Variants in ANK2 observed in about 807,000 individuals in gnomAD.
The protein encoded by ANK2 is ankyrin 2.
A neutral mutation model predicts 360.5 loss-of-function variants in ANK2; 83 were observed. The observed-to-expected ratio is 0.23, with a 90% CI of 0.19 to 0.28. The LOEUF is 0.28. Ranked by LOEUF, ANK2 falls within the 10% of genes least tolerant of loss-of-function variation. ANK2 has a pLI of 1.00. For missense variants in ANK2, 4,201 were observed against 4,795.7 expected, an observed-to-expected ratio of 0.88 and a Z score of 3.66; for synonymous variants, 1,740 against 1,759.5, an observed-to-expected ratio of 0.99 and a Z score of 0.28.
chr4:113,157,826 T>G (rs1335281706), intron 1 of ANK2, among the ~76,000 whole-genome samples: 3 of 152,222 alleles, frequency 2.0e-5, no homozygotes, highest in South Asian at 2.1e-4. Flanking sequence ...ATTTCGGGTC[T>G]GCCACTTCTT....
At chr4:112,818,554 G>C (rs10026837) in intron 1 of ANK2, among the ~76,000 whole-genome samples, 95,386 of 152,064 alleles carry the variant, frequency 0.63, 31,811 homozygotes, top group East Asian at 0.93. Context: ...TGATTTATTT[G>C]AGATTCCCAG....
the ANK2 span, among the ~76,000 whole-genome samples, chr4:112,728,729 A>G: frequency 6.6e-6 from 1 of 152,130 alleles, no homozygotes; most frequent in African/African-American, 2.4e-5. Context: ...ACAGAGCAAA[A>G]GTGTCTCCAA....
chr4:113,323,726 C>T (rs2087856838), intron 26 of ANK2: 1 of 1,591,168 alleles, frequency 6.3e-7, no homozygotes, highest in South Asian at 1.1e-5. Flanking sequence ...TTATCCGTTC[C>T]TTCTCTGTGC....
intron 2 of ANK2, among the ~76,000 whole-genome samples, chr4:113,011,275 G>A (rs981522096): frequency 2.0e-5 from 3 of 152,006 alleles, no homozygotes; most frequent in Admixed American, 6.6e-5. Flanking sequence ...ACATATATTT[G>A]TGGACATTAG....
At chr4:112,786,146 T>A in the ANK2 span, among the ~76,000 whole-genome samples, 2 of 151,960 alleles carry the variant, frequency 1.3e-5, no homozygotes, top group Non-Finnish European at 2.9e-5. Flanking sequence ...ACAGCCTATT[T>A]TGAGATATCC....
intron 2 of ANK2, among the ~76,000 whole-genome samples, chr4:112,983,539 G>T (rs1011907107): frequency 3.3e-5 from 5 of 151,956 alleles, no homozygotes; most frequent in Admixed American, 1.3e-4. Context: ...AAATTAGCTG[G>T]GTGTGGTGGC....
intron 35 of ANK2, 49 bp from the exon 36 acceptor site, chr4:113,348,227 T>C (rs763563009): frequency 2.5e-6 from 4 of 1,590,540 alleles, no homozygotes; most frequent in South Asian, 1.1e-5. Flanking sequence ...TACTCTCTAC[T>C]CTTCCTTCTC....
Position 113,358,372 on chromosome 4 carries a change from G to A in ANK2, c.9754G>A (p.Val3252Ile), listed in dbSNP as rs1224563095. The change falls in exon 38 of 46, where the codon GTA becomes ATA. Residue 3252 changes from valine to isoleucine, a missense_variant. Physicochemically the swap from Val to Ile is conservative, Grantham distance 29. Transcript: ENST00000357077. ...CTGCCCCGACTCTTCTGAACCAGCTGTACAAGTCCAGTTAGATTTTTCCAC... is the reference window on the plus strand; with the variant it reads ...CTGCCCCGACTCTTCTGAACCAGCTATACAAGTCCAGTTAGATTTTTCCAC... ...ISCPDSSEPAVQVQLDFSTLT... is the reference protein window; with the variant it reads ...ISCPDSSEPAIQVQLDFSTLT... 3 of 1,613,952 alleles carry A rather than the reference G, an allele frequency of 1.9e-6. No individual in the cohort carries two copies. The highest frequency in any genetic ancestry group is 2.5e-6 in the Non-Finnish European group (3 of 1,179,976).
intron 2 of ANK2, among the ~76,000 whole-genome samples, chr4:112,950,440 C>G (rs933039759): frequency 6.6e-6 from 1 of 151,198 alleles, no homozygotes; most frequent in East Asian, 2.0e-4. Context: ...GTCAGGAGAT[C>G]GAGACCATCC....
At chr4:113,284,011 A>C (rs2063417709) in intron 18 of ANK2, among the ~76,000 whole-genome samples, 2 of 152,212 alleles carry the variant, frequency 1.3e-5, no homozygotes, top group Admixed American at 6.5e-5. Context: ...TGTCACTCAG[A>C]AGTGTTCCTG....
intron 4 of ANK2, among the ~76,000 whole-genome samples, chr4:113,221,559 T>C (rs2099151963): frequency 6.6e-6 from 1 of 151,584 alleles, no homozygotes; most frequent in Non-Finnish European, 1.5e-5. Flanking sequence ...CTCAAGAGGC[T>C]GAGGCAGGAG....
At chr4:112,820,934 C>T (rs559653178) in intron 1 of ANK2, among the ~76,000 whole-genome samples, 4 of 151,752 alleles carry the variant, frequency 2.6e-5, no homozygotes, top group Non-Finnish European at 2.9e-5. Flanking sequence ...TTTTTGAGAC[C>T]GAGTTTCACT....
intron 4 of ANK2, among the ~76,000 whole-genome samples, chr4:113,228,583 T>C (rs548058547): frequency 6.6e-6 from 1 of 152,298 alleles, no homozygotes; most frequent in East Asian, 1.9e-4. Context: ...TAACCACTCA[T>C]TGATTGATGG....
At chr4:112,950,747 G>C (rs1221656043) in intron 2 of ANK2, among the ~76,000 whole-genome samples, 1 of 151,866 alleles carries the variant, frequency 6.6e-6, no homozygotes, top group Non-Finnish European at 1.5e-5. Context: ...AATTAGCACA[G>C]TATTTCGGTA....
At chr4:113,240,786 C>G (rs1585774228) in intron 8 of ANK2, among the ~76,000 whole-genome samples, 1 of 152,084 alleles carries the variant, frequency 6.6e-6, no homozygotes, top group East Asian at 1.9e-4. Flanking sequence ...ATGTTGTAAA[C>G]TCATGCAAAA....
At chr4:112,711,982 A>G in the ANK2 span, among the ~76,000 whole-genome samples, 1 of 150,360 alleles carries the variant, frequency 6.7e-6, no homozygotes, top group African/African-American at 2.4e-5. Flanking sequence ...TGCACCTAGC[A>G]GTTTCTTCTA....
At chr4:113,025,118 T>TTAA (rs1170637229) in intron 2 of ANK2, among the ~76,000 whole-genome samples, 1 of 152,066 alleles carries the variant, frequency 6.6e-6, no homozygotes, top group African/African-American at 2.4e-5. Context: ...AAAGTTCTCC[T>TTAA]TAATAGTCTT....
rs185569619 is a variant in ANK2 at position 113,367,714 on chromosome 4, C to T, written c.11181C>T (p.Gly3727=). The change falls in exon 42 of 46, where the codon GGC becomes GGT. Residue 3727 remains glycine (G), a synonymous_variant. Transcript: ENST00000357077. ...ISVGYSTFQD[G]VPKTEGDSSA... is the part of the protein sequence containing the mutation. ...TTGGTTATTCCACTTTTCAGGATGG[C>T]GTCCCCAAAACTGAGGGGGACAGCT... 1.4e-4 allele frequency: 221 copies of T among 1,613,708 alleles called. No homozygotes were observed. The Admixed American group carries it at 1.5e-3, about 11-fold the overall frequency.
chr4:112,975,449 A>G (rs902809179), intron 2 of ANK2, among the ~76,000 whole-genome samples: 1 of 152,218 alleles, frequency 6.6e-6, no homozygotes, highest in Non-Finnish European at 1.5e-5. Context: ...GATCCTAAAA[A>G]ACATTTTGGA....
Sources: allele counts gnomAD v4.1 joint callset (sites outside exome capture counted in the v4.1 genomes callset), GRCh38; gene constraint gnomAD v4.1.1; transcripts MANE v1.5; gene names NCBI Gene and HGNC (gene_info 2026-07-23, HGNC 2026-07-21).